Variants in UNC13B observed in about 807,000 individuals in gnomAD.
The protein encoded by UNC13B is unc-13 homolog B.
A neutral mutation model predicts 211.0 loss-of-function variants in UNC13B; 144 were observed. The observed-to-expected ratio is 0.68, with a 90% CI of 0.60 to 0.78. The LOEUF (loss-of-function observed/expected upper bound fraction) is 0.78. UNC13B is among the 30% of genes least tolerant of loss of function. UNC13B has a pLI of 0.00. For synonymous variants in UNC13B, 709 were observed against 725.8 expected, an observed-to-expected ratio of 0.98 and a Z score of 0.37; for missense variants, 1,777 against 2,002.0, an observed-to-expected ratio of 0.89 and a Z score of 2.14.
intron 11 of UNC13B, among the ~76,000 whole-genome samples, chr9:35,325,304 A>C (rs1348368023): frequency 1.3e-5 from 2 of 152,194 alleles, no homozygotes; most frequent in East Asian, 3.8e-4. Flanking sequence ...AGAAAAGGAG[A>C]GGTCCATACC....
chr9:35,186,165 T>C (rs1822348270), intron 1 of UNC13B, among the ~76,000 whole-genome samples: 1 of 152,064 alleles, frequency 6.6e-6, no homozygotes, highest in Non-Finnish European at 1.5e-5. Flanking sequence ...TGACTCTTCA[T>C]AGCACCCTAC....
rs1835928679 is a variant in UNC13B, at chr9:35,397,030, A to G, written c.11532+93A>G. The G allele has an allele frequency of 4.4e-6, 7 of 1,601,884 alleles. No individual in the cohort carries two copies. In the Admixed American group the frequency reaches 5.0e-5, roughly 11 times the overall value. ...TTCCTGGGCTTTGGCCAGGATGGCT[A>G]TGCCTGCCCTGTGGAGTTCACAGGA... On this transcript the variant is annotated intron_variant, in intron 28 of 39. Transcript: ENST00000635942.
intron 7 of UNC13B, among the ~76,000 whole-genome samples, chr9:35,281,430 GA>G (rs1828488402): frequency 6.7e-6 from 1 of 150,320 alleles, no homozygotes. Context: ...AAAAGAGAGA[GA>G]GAGGAATGAA....
At chr9:35,268,595 G>A (rs1157157599) in intron 7 of UNC13B, among the ~76,000 whole-genome samples, 1 of 152,130 alleles carries the variant, frequency 6.6e-6, no homozygotes. Context: ...CTCCAGCCTG[G>A]GCGACAGAGC....
rs551346375 is a variant in UNC13B at position 35,195,887 on chromosome 9, CGG to C, written c.23-32127_23-32126del. On this transcript the variant is annotated intron_variant, in intron 1 of 39. Coordinates refer to ENST00000635942, the MANE Select transcript of UNC13B (RefSeq NM_001371189.2). ...GTGGTCAGTTGGCTGAGAGATGTCA[CGG>C]TCCATCTTTATGTCCAAATATTTGA... Among the ~76,000 whole-genome samples, 29 of 152,248 alleles carry C rather than the reference CGG, an allele frequency of 1.9e-4. No individual in the cohort carries two copies. In the East Asian group the frequency reaches 5.6e-3, roughly 29 times the overall value.
intron 17 of UNC13B, 111 bp downstream of exon 17, chr9:35,378,547 A>G: frequency 7.1e-7 from 1 of 1,407,808 alleles, no homozygotes; most frequent in South Asian, 1.3e-5. Flanking sequence ...CAGGGGAGAA[A>G]ACTCATTTCT....
chr9:35,237,839 T>G lies in UNC13B; in HGVS notation c.394+13T>G. On this transcript the variant is annotated intron_variant, in intron 5 of 39. Coordinates refer to ENST00000635942, the MANE Select transcript of UNC13B (RefSeq NM_001371189.2). Reference sequence around the variant, plus strand: ...GAGTTGCCTTTTGGTGAGTAAAATTTTAAAACTATTTAATAATTTTTACCA... The same window carrying G: ...GAGTTGCCTTTTGGTGAGTAAAATTGTAAAACTATTTAATAATTTTTACCA... The G allele has an allele frequency of 6.3e-7, 1 of 1,591,214 alleles. No homozygotes were observed. The highest frequency in any genetic ancestry group is 8.5e-7 in the Non-Finnish European group (1 of 1,172,124).
intron 11 of UNC13B, among the ~76,000 whole-genome samples, chr9:35,349,183 T>C (rs1021410926): frequency 2.0e-5 from 3 of 152,140 alleles, no homozygotes; most frequent in Non-Finnish European, 4.4e-5. Flanking sequence ...CCCAAAGTGC[T>C]GGGATTACAG....
chr9:35,186,784 A>G (rs1822383586), intron 1 of UNC13B, among the ~76,000 whole-genome samples: 1 of 152,076 alleles, frequency 6.6e-6, no homozygotes, highest in Non-Finnish European at 1.5e-5. Context: ...TATGCAAATG[A>G]ACTTTCCCCT....
At chr9:35,273,122 C>G (rs1337415989) in intron 7 of UNC13B, among the ~76,000 whole-genome samples, 1 of 152,162 alleles carries the variant, frequency 6.6e-6, no homozygotes, top group Non-Finnish European at 1.5e-5. Flanking sequence ...CATAACCCAA[C>G]ATATTGTTTA....
intron 1 of UNC13B, among the ~76,000 whole-genome samples, chr9:35,175,966 C>T (rs1421355845): frequency 4.9e-5 from 7 of 143,044 alleles, no homozygotes; most frequent in African/African-American, 1.6e-4. Flanking sequence ...GCAGAGGTTG[C>T]GGTGAGCTGA....
intron 1 of UNC13B, among the ~76,000 whole-genome samples, chr9:35,221,925 A>G (rs1446592797): frequency 5.3e-5 from 8 of 152,194 alleles, no homozygotes; most frequent in Non-Finnish European, 1.0e-4. Flanking sequence ...TTTTCCCTCA[A>G]TTGAATTGCC....
intron 1 of UNC13B, among the ~76,000 whole-genome samples, chr9:35,170,385 C>CT (rs557927745): frequency 3.5e-4 from 53 of 151,844 alleles, no homozygotes; most frequent in Admixed American, 8.5e-4. Context: ...AGGCTGGTCT[C>CT]TAACTCCTGA....
intron 11 of UNC13B, among the ~76,000 whole-genome samples, chr9:35,328,598 CCCTTCCTT>C (rs34586347): frequency 0.12 from 11,932 of 98,492 alleles, 1,096 homozygotes; most frequent in East Asian, 0.19. Flanking sequence ...CTGAATTGTC[CCCTTCCTT>C]CCTTCCTTCC....
intron 6 of UNC13B, among the ~76,000 whole-genome samples, chr9:35,246,748 C>T (rs1587457849): frequency 6.6e-6 from 1 of 152,160 alleles, no homozygotes; most frequent in Non-Finnish European, 1.5e-5. Context: ...GTTTTAATTA[C>T]CGTAGCCTTG....
rs376593161 is a variant in UNC13B, at chr9:35,276,104, G to A, written c.526+17054G>A. Among the ~76,000 whole-genome samples, 25 of 151,962 alleles carry A rather than the reference G, an allele frequency of 1.6e-4. No homozygotes were observed. In the East Asian group the frequency reaches 4.7e-3, roughly 28 times the overall value. ...GCAGGTTGTTTGAGCTCAGGAGTTC[G>A]AGACCAGCCTGAGCAACATGATGAA... On this transcript the variant is annotated intron_variant, in intron 7 of 39. Transcript: ENST00000635942.
At chr9:35,278,599 CT>C (rs1423050808) in intron 7 of UNC13B, among the ~76,000 whole-genome samples, 2 of 102,564 alleles carry the variant, frequency 1.9e-5, no homozygotes, top group South Asian at 3.5e-4. Context: ...CTTCTTCTAC[CT>C]TTTTGCCACT....
chr9:35,379,347 G>A (rs1834663212), intron 17 of UNC13B, among the ~76,000 whole-genome samples: 1 of 152,112 alleles, frequency 6.6e-6, no homozygotes, highest in African/African-American at 2.4e-5. Flanking sequence ...TACTCGGGAG[G>A]CTGAGGGAAG....
At chr9:35,324,002 ATATCTT>A (rs1028401977) in intron 11 of UNC13B, among the ~76,000 whole-genome samples, 9 of 152,346 alleles carry the variant, frequency 5.9e-5, no homozygotes, top group Admixed American at 3.3e-4. Flanking sequence ...TGTAGGCACT[ATATCTT>A]TACATGCATT....
Sources: allele counts gnomAD v4.1 joint callset (sites outside exome capture counted in the v4.1 genomes callset), GRCh38; gene constraint gnomAD v4.1.1; transcripts MANE v1.5; gene names NCBI Gene and HGNC (gene_info 2026-07-23, HGNC 2026-07-21).